Variants in SYT1 observed in about 807,000 individuals in gnomAD.
SYT1 encodes the protein synaptotagmin-1.
Under a neutral mutation model 44.8 loss-of-function variants are expected in SYT1, and 8 were observed. That is an observed-to-expected ratio of 0.18 (90% confidence interval 0.10 to 0.32). SYT1 has a LOEUF of 0.32. Among genes scored for constraint, SYT1 ranks in the 10% least tolerant of loss-of-function variants. The probability of loss-of-function intolerance (pLI) is 1.00; values close to 1 mark genes in which losing one functional copy is unlikely to be tolerated. For synonymous variants in SYT1, 154 were observed against 188.8 expected (o/e 0.82, Z 1.51); for missense variants, 286 against 509.3 (o/e 0.56, Z 4.22).
chr12:79,407,907 C>T (rs1160394111), intron 9 of SYT1, among the ~76,000 whole-genome samples: 1 of 152,084 alleles, frequency 6.6e-6, no homozygotes, highest in African/African-American at 2.4e-5. Flanking sequence ...CCTCTTCTTC[C>T]CAGAAGAACA....
intron 4 of SYT1, among the ~76,000 whole-genome samples, chr12:79,227,335 A>AT (rs987773340): frequency 1.3e-5 from 2 of 152,010 alleles, no homozygotes; most frequent in East Asian, 1.9e-4. Context: ...GTTTTTTAGA[A>AT]TTTTTTTTAT....
chr12:79,280,375 A>G (rs1157467604), intron 4 of SYT1, among the ~76,000 whole-genome samples: 1 of 152,156 alleles, frequency 6.6e-6, no homozygotes. Context: ...ATCTTCAACA[A>G]AGCCGATGAG....
intron 1 of SYT1, among the ~76,000 whole-genome samples, chr12:78,878,789 T>C (rs1874304586): frequency 1.3e-5 from 2 of 151,722 alleles, no homozygotes; most frequent in East Asian, 1.9e-4. Flanking sequence ...ACATACCACA[T>C]AGCCATTGCG....
chr12:79,348,998 G>GGAAAGAAAGAAAGAAAGAAAGAAAGAAA (rs71865653), intron 8 of SYT1, among the ~76,000 whole-genome samples: 16 of 125,340 alleles, frequency 1.3e-4, no homozygotes, highest in African/African-American at 3.2e-4. Context: ...AAAGAGAGAA[G>GGAAAGAAAGAAAGAAAGAAAGAAAGAAA]GAAAGAAAGA....
chr12:79,200,818 G>C (rs998061012), intron 3 of SYT1, among the ~76,000 whole-genome samples: 3 of 152,112 alleles, frequency 2.0e-5, no homozygotes, highest in African/African-American at 7.2e-5. Context: ...CTGTTATCCA[G>C]ATAATAACTG....
At chr12:79,383,407 G>T (rs1884304881) in intron 9 of SYT1, among the ~76,000 whole-genome samples, 1 of 152,086 alleles carries the variant, frequency 6.6e-6, no homozygotes, top group African/African-American at 2.4e-5. Context: ...AAACATTCTT[G>T]TATTTCCACT....
chr12:79,277,514 A>C (rs1368680205), intron 4 of SYT1, among the ~76,000 whole-genome samples: 1 of 152,194 alleles, frequency 6.6e-6, no homozygotes, highest in Non-Finnish European at 1.5e-5. Flanking sequence ...AAATGCTCAA[A>C]GGAATGGTAA....
intron 3 of SYT1, among the ~76,000 whole-genome samples, chr12:79,092,763 T>C (rs1877866322): frequency 1.3e-5 from 2 of 151,698 alleles, no homozygotes; most frequent in Non-Finnish European, 3.0e-5. Flanking sequence ...ATAAATTTCA[T>C]TGAAGAAAAG....
intron 2 of SYT1, among the ~76,000 whole-genome samples, chr12:79,016,654 C>A (rs566111583): frequency 4.1e-4 from 62 of 152,172 alleles, no homozygotes; most frequent in Middle Eastern, 3.4e-3. Context: ...GCAATGCTTA[C>A]TGCAACTTAA....
At chr12:78,887,902 C>T (rs1026662370) in intron 1 of SYT1, among the ~76,000 whole-genome samples, 52 of 151,924 alleles carry the variant, frequency 3.4e-4, no homozygotes, top group Middle Eastern at 6.8e-3. Flanking sequence ...TTATTGAAGA[C>T]AGGTTTACAC....
At chr12:78,877,615 T>C (rs1397982197) in intron 1 of SYT1, among the ~76,000 whole-genome samples, 1 of 151,832 alleles carries the variant, frequency 6.6e-6, no homozygotes, top group Non-Finnish European at 1.5e-5. Context: ...ATTAAATAAG[T>C]ACTGGTCATG....
At chr12:79,431,924 A>G (rs1171055205) in intron 9 of SYT1, among the ~76,000 whole-genome samples, 2 of 152,188 alleles carry the variant, frequency 1.3e-5, no homozygotes, top group African/African-American at 4.8e-5. Context: ...ACCAAGGTAG[A>G]AGTTGATCTC....
chr12:79,353,953 T>C (rs1434017260), intron 9 of SYT1, among the ~76,000 whole-genome samples: 2 of 152,178 alleles, frequency 1.3e-5, no homozygotes, highest in South Asian at 2.1e-4. Flanking sequence ...TAGAGGGGGT[T>C]TTTGGTCAAA....
At chr12:79,093,275 C>T (rs558951973) in intron 3 of SYT1, among the ~76,000 whole-genome samples, 1 of 151,548 alleles carries the variant, frequency 6.6e-6, no homozygotes, top group African/African-American at 2.4e-5. Context: ...AATAAAGGTT[C>T]GAAGCATTCG....
At chr12:79,382,352 C>T (rs1245768) in intron 9 of SYT1, among the ~76,000 whole-genome samples, 68,562 of 152,036 alleles carry the variant, frequency 0.45, 18,587 homozygotes, top group African/African-American at 0.77. Context: ...GATTCAAGTT[C>T]CTACACAATT....
At chr12:79,307,136 T>C (rs139204462) in intron 8 of SYT1, among the ~76,000 whole-genome samples, 110 of 152,294 alleles carry the variant, frequency 7.2e-4, no homozygotes, top group African/African-American at 2.4e-3. Context: ...TGCTGTAAAA[T>C]CTTTAATCCA....
At chr12:79,394,504 G>C (rs1240520315) in intron 9 of SYT1, among the ~76,000 whole-genome samples, 1 of 152,146 alleles carries the variant, frequency 6.6e-6, no homozygotes, top group Non-Finnish European at 1.5e-5. Flanking sequence ...GTATACAAAT[G>C]TGAACCCATT....
At chr12:79,384,567 T>C (rs1008825263) in intron 9 of SYT1, among the ~76,000 whole-genome samples, 1 of 152,208 alleles carries the variant, frequency 6.6e-6, no homozygotes, top group African/African-American at 2.4e-5. Flanking sequence ...TAAATGACTT[T>C]ACATTCCATT....
intron 2 of SYT1, among the ~76,000 whole-genome samples, chr12:79,016,585 T>A (rs1343898679): frequency 6.6e-6 from 1 of 152,158 alleles, no homozygotes; most frequent in African/African-American, 2.4e-5. Context: ...TCCTCTGGTA[T>A]ATTTATACAT....
Sources: allele counts gnomAD v4.1 joint callset (sites outside exome capture counted in the v4.1 genomes callset), GRCh38; gene constraint gnomAD v4.1.1; transcripts MANE v1.5; gene names NCBI Gene and HGNC (gene_info 2026-07-23, HGNC 2026-07-21).